MAN2A1: variants seen among roughly 807,000 people sequenced by gnomAD.
MAN2A1 encodes the protein mannosidase alpha class 2A member 1, also known as alpha-mannosidase 2.
In MAN2A1, 76 loss-of-function variants were observed where a neutral mutation model predicts 142.6. The ratio of observed to expected loss-of-function variants is 0.53; its 90% CI spans 0.44 to 0.65. The LOEUF (loss-of-function observed/expected upper bound fraction) is 0.65, where lower values mean the gene tolerates loss of function less well. Among genes scored for constraint, MAN2A1 ranks in the 30% least tolerant of loss-of-function variants. The pLI, the probability that MAN2A1 is intolerant of heterozygous loss-of-function variation, is 0.00. For synonymous variants in MAN2A1, 559 were observed against 473.2 expected (o/e 1.18, Z -2.35); for missense variants, 1,311 against 1,365.1 (o/e 0.96, Z 0.62).
At chr5:109,756,101 A>G (rs1028585132) in intron 5 of MAN2A1, among the ~76,000 whole-genome samples, 1 of 151,966 alleles carries the variant, frequency 6.6e-6, no homozygotes, top group Non-Finnish European at 1.5e-5. Context: ...AGGTCTAGTC[A>G]TTTTGGTGGA....
At chr5:109,733,089 A>G (rs1216831654) in intron 4 of MAN2A1, among the ~76,000 whole-genome samples, 1 of 152,040 alleles carries the variant, frequency 6.6e-6, no homozygotes, top group Non-Finnish European at 1.5e-5. Context: ...ATCCCTTGTA[A>G]GTTGGATTCC....
chr5:109,691,470 C>T (rs887824118), intron 1 of MAN2A1, among the ~76,000 whole-genome samples: 3 of 152,184 alleles, frequency 2.0e-5, no homozygotes, highest in Admixed American at 2.0e-4. Flanking sequence ...CAAACCCTGA[C>T]AGGGCAATCT....
chr5:109,797,190 C>A (rs1267479521), intron 12 of MAN2A1, among the ~76,000 whole-genome samples: 1 of 151,994 alleles, frequency 6.6e-6, no homozygotes, highest in Non-Finnish European at 1.5e-5. Flanking sequence ...AAATAGGGTG[C>A]AGCATGAAGA....
chr5:109,835,805 A>G (rs1374318669), intron 16 of MAN2A1, among the ~76,000 whole-genome samples: 1 of 152,210 alleles, frequency 6.6e-6, no homozygotes, highest in Non-Finnish European at 1.5e-5. Context: ...CTAGAATAAA[A>G]TGATCTGGAG....
At chr5:109,766,851 T>A (rs994112916) in intron 5 of MAN2A1, among the ~76,000 whole-genome samples, 2 of 152,198 alleles carry the variant, frequency 1.3e-5, no homozygotes, top group Non-Finnish European at 2.9e-5. Flanking sequence ...TCATTTTTAT[T>A]TTTTTACATT....
chr5:109,705,102 C>G (rs1391985934), intron 1 of MAN2A1, among the ~76,000 whole-genome samples: 1 of 152,128 alleles, frequency 6.6e-6, no homozygotes, highest in Non-Finnish European at 1.5e-5. Context: ...AATCCTCCCC[C>G]TTGCCCTAGC....
At chr5:109,766,204 A>G (rs888683281) in intron 5 of MAN2A1, among the ~76,000 whole-genome samples, 1 of 152,250 alleles carries the variant, frequency 6.6e-6, no homozygotes, top group East Asian at 1.9e-4. Context: ...CCAGTCTTCC[A>G]CATTTGTAGT....
intron 12 of MAN2A1, among the ~76,000 whole-genome samples, chr5:109,803,635 G>A (rs1003402962): frequency 3.3e-5 from 5 of 151,986 alleles, no homozygotes; most frequent in Non-Finnish European, 7.4e-5. Context: ...AAAGTACCAT[G>A]TATAATGGAT....
chr5:109,719,147 C>A (rs1293165464), intron 3 of MAN2A1, among the ~76,000 whole-genome samples: 1 of 152,084 alleles, frequency 6.6e-6, no homozygotes, highest in African/African-American at 2.4e-5. Context: ...GTAGACATCC[C>A]TAGTAAGTAT....
At chr5:109,719,064 G>A (rs1751532985) in intron 3 of MAN2A1, among the ~76,000 whole-genome samples, 1 of 148,944 alleles carries the variant, frequency 6.7e-6, no homozygotes, top group Non-Finnish European at 1.5e-5. Flanking sequence ...GGCAGGGATT[G>A]CCCTCGATTT....
intron 1 of MAN2A1, among the ~76,000 whole-genome samples, chr5:109,708,537 CACACACACAT>C (rs1380484525): frequency 1.3e-5 from 2 of 151,504 alleles, no homozygotes; most frequent in Non-Finnish European, 2.9e-5. Flanking sequence ...CACACACACA[CACACACACAT>C]GAGAAGGGAG....
chr5:109,812,736 C>T (rs752184100), intron 12 of MAN2A1, among the ~76,000 whole-genome samples: 18 of 151,940 alleles, frequency 1.2e-4, no homozygotes, highest in Admixed American at 2.6e-4. Context: ...TTTATATTTT[C>T]GAAGAATTGA....
intron 20 of MAN2A1, among the ~76,000 whole-genome samples, chr5:109,858,971 CAG>C (rs1561546192): frequency 6.6e-6 from 1 of 152,200 alleles, no homozygotes; most frequent in African/African-American, 2.4e-5. Context: ...CCGGATCACA[CAG>C]GGGAGATTTT....
intron 12 of MAN2A1, among the ~76,000 whole-genome samples, chr5:109,808,834 G>A (rs1278719979): frequency 6.6e-6 from 1 of 151,626 alleles, no homozygotes; most frequent in Non-Finnish European, 1.5e-5. Context: ...CTCCTGAGTA[G>A]CTGGGACTAC....
intron 3 of MAN2A1, 150 bp downstream of exon 3, chr5:109,716,414 A>G (rs1454776578): frequency 1.7e-6 from 1 of 598,286 alleles, no homozygotes; most frequent in African/African-American, 1.9e-5. Flanking sequence ...ATGTGTCATT[A>G]TGTTTTAGTG....
chr5:109,817,435 T>C lies in MAN2A1; in HGVS notation c.2106T>C (p.Tyr702=). The C allele has an allele frequency of 1.2e-6, 2 of 1,613,854 alleles. No individual in the cohort carries two copies. The highest frequency in any genetic ancestry group is 1.7e-6 in the Non-Finnish European group (2 of 1,179,862). ...DTANTISETA[Y]EISFRAHIPP... is the part of the protein sequence containing the mutation. ...CAAATACTATTTCAGAAACAGCCTA[T>C]GAGGTATGTTGTAGCCATAGAACTT... The change falls in exon 13 of 22, where the codon TAT becomes TAC. Residue 702 remains tyrosine (Y), a synonymous_variant. Transcript: ENST00000261483.
At chr5:109,691,870 C>T (rs1160282445) in intron 1 of MAN2A1, among the ~76,000 whole-genome samples, 1 of 152,114 alleles carries the variant, frequency 6.6e-6, no homozygotes, top group Non-Finnish European at 1.5e-5. Context: ...TCCAGTGCTT[C>T]TTGATGAGGT....
intron 5 of MAN2A1, among the ~76,000 whole-genome samples, chr5:109,766,832 T>G (rs1242195107): frequency 1.3e-5 from 2 of 152,216 alleles, no homozygotes; most frequent in East Asian, 3.8e-4. Flanking sequence ...AGTACATTTA[T>G]TATCTTTTTC....
chr5:109,770,311 CAG>C (rs778265264), intron 6 of MAN2A1, 42 bp from the exon 7 acceptor site: 3 of 1,561,918 alleles, frequency 1.9e-6, no homozygotes, highest in Non-Finnish European at 2.6e-6. Context: ...TTTGGGAAAA[CAG>C]ATTTTATAAA....
Sources: allele counts gnomAD v4.1 joint callset (sites outside exome capture counted in the v4.1 genomes callset), GRCh38; gene constraint gnomAD v4.1.1; transcripts MANE v1.5; gene names NCBI Gene and HGNC (gene_info 2026-07-23, HGNC 2026-07-21).